Variants in RPUSD1 observed in about 807,000 individuals in gnomAD.
RPUSD1 encodes the protein pseudouridylate synthase RPUSD1.
Under a neutral mutation model 22.4 loss-of-function variants are expected in RPUSD1, and 28 were observed. That is an observed-to-expected ratio of 1.25 (90% CI 0.93 to 1.72). The LOEUF is 1.72. Ranked by LOEUF, RPUSD1 falls within the 40% of genes most tolerant of loss-of-function variation. The pLI is 0.00. For synonymous variants in RPUSD1, 298 were observed against 201.0 expected, an observed-to-expected ratio of 1.48 and a Z score of -4.08; for missense variants, 596 against 442.2, an observed-to-expected ratio of 1.35 and a Z score of -3.12.
Position 785,818 on chromosome 16 carries a change from G to T in RPUSD1, c.*132C>A. 2 of 822,414 alleles carry T rather than the reference G, an allele frequency of 2.4e-6. No homozygotes were observed. Among genetic ancestry groups the T allele is most frequent in the Non-Finnish European group, 3.4e-6 (2 of 590,730 alleles). The allele number at this position is 822,414 out of a possible 1,614,324, so 50.9% of individuals were successfully genotyped here. A position where few individuals can be genotyped will look rare whatever the true frequency, so the allele number is the denominator to read the frequency against. ...ACCTCAGCCCTTCCTCGCAGGCCTG[G>T]CCGGGGCAACCCAGTGGGCCTGATG... On this transcript the variant is annotated 3_prime_UTR_variant, in exon 6 of 6. Transcript: ENST00000007264.
At chr16:786,801 C>T (rs754590563) in intron 5 of RPUSD1, 26 bp downstream of exon 5, 15 of 1,590,662 alleles carry the variant, frequency 9.4e-6, no homozygotes, top group African/African-American at 2.7e-5. Context: ...CTGTCACCAC[C>T]AGGACACCGC....
chr16:787,581 C>T lies in RPUSD1; in HGVS notation c.157G>A (p.Asp53Asn), dbSNP rs766933543. The T allele has an allele frequency of 1.9e-6, 3 of 1,610,940 alleles. No individual in the cohort carries two copies. The highest frequency in any genetic ancestry group is 1.7e-5 in the Admixed American group (1 of 59,980). Residue 53 changes from aspartate (D) to asparagine (N), a missense_variant, in exon 2 of 6, where the codon GAC (aspartate) becomes AAC (asparagine). Transcript: ENST00000007264. ...QLRYRFPELA[D>N]PDTCYGFRFC... Reference sequence around the variant, plus strand: ...CTGAACCCGTAGCAGGTGTCAGGGTCGGCCAGCTCGGGAAAGCGGTACCGC... The same window carrying T: ...CTGAACCCGTAGCAGGTGTCAGGGTTGGCCAGCTCGGGAAAGCGGTACCGC...
chr16:785,792 C>G lies in RPUSD1; in HGVS notation c.*158G>C. The stretch of plus-strand genomic sequence containing the variant: ...GCTGCCTGGCGCCCCCTGCCGGCCC[C>G]ACCTCAGCCCTTCCTCGCAGGCCTG... On this transcript the variant is annotated 3_prime_UTR_variant, in exon 6 of 6. Transcript: ENST00000007264. 1 of 586,470 alleles carries G rather than the reference C, an allele frequency of 1.7e-6. No individual in the cohort carries two copies. Among genetic ancestry groups the G allele is most frequent in the Non-Finnish European group, 2.6e-6 (1 of 386,876 alleles). 36.3% of individuals were successfully genotyped at this position (586,470 alleles called of 1,614,324 possible).
intron 3 of RPUSD1, 43 bp from the exon 4 acceptor site, chr16:787,222 A>G (rs1672651489): frequency 6.4e-7 from 1 of 1,562,254 alleles, no homozygotes. Flanking sequence ...GGGGCAGCCC[A>G]GTGCTGCCGG....
At chr16:787,249 C>T in intron 3 of RPUSD1, 70 bp from the exon 4 acceptor site, 2 of 1,552,240 alleles carry the variant, frequency 1.3e-6, no homozygotes, top group East Asian at 2.4e-5. Flanking sequence ...CACCTAACAC[C>T]AAGCAACCAC....
intron 1 of RPUSD1, 129 bp from the exon 2 acceptor site, chr16:787,873 T>A (rs975328428): frequency 3.6e-6 from 3 of 839,988 alleles, no homozygotes; most frequent in African/African-American, 3.4e-5. Context: ...GCAGCCCTAC[T>A]GTGCACCTGC....
At position 786,167 on chromosome 16, in the gene RPUSD1, T is replaced by TCCCC; in HGVS notation, c.721_722insGGGG (p.His241ArgfsTer22). 1 of 1,611,974 alleles carries TCCCC rather than the reference T, an allele frequency of 6.2e-7. No individual in the cohort carries two copies. Among genetic ancestry groups the TCCCC allele is most frequent in the Non-Finnish European group, 8.5e-7 (1 of 1,179,618 alleles). On this transcript the variant is annotated frameshift_variant, in exon 6 of 6. Coordinates refer to ENST00000007264, the MANE Select transcript of RPUSD1 (RefSeq NM_058192.3). LOFTEE classifies it low-confidence loss of function (END_TRUNC). ...CTGGTCCAGCGACTGCAGCAGTGTG[T>TCCCC]GGGGGCTCCAGCAGGCATCCAGGGA...
At chr16:787,259 C>T (rs550101431) in intron 3 of RPUSD1, 80 bp from the exon 4 acceptor site, 11 of 1,548,560 alleles carry the variant, frequency 7.1e-6, no homozygotes, top group South Asian at 4.7e-5. Context: ...CAAGCAACCA[C>T]GTAGAGCGTG....
rs757010559 is a variant in RPUSD1 at position 786,256 on chromosome 16, G to A, written c.633C>T (p.Phe211=). ...DRPFRMMLHA[F]YLRIPTDTEC... ...CGGTGTCCGTGGGGATGCGCAGGTA[G>A]AAAGCGTGCAGCATCATTCTGAACG... is the stretch of plus-strand genomic sequence containing the variant. Residue 211 remains phenylalanine (F), a synonymous_variant, in exon 6 of 6, where the codon TTC becomes TTT. Transcript: ENST00000007264. 2 of 1,612,782 alleles carry A rather than the reference G, an allele frequency of 1.2e-6. No individual in the cohort carries two copies. The highest frequency in any genetic ancestry group is 2.2e-5 in the East Asian group (1 of 44,884).
In RPUSD1 at chr16:785,720, C is replaced by T. The variant is rs1227186055; in HGVS notation, c.*230G>A. 2.4e-6 allele frequency: 1 copy of T among 410,212 alleles called. No individual in the cohort carries two copies. Among genetic ancestry groups the T allele is most frequent in the Non-Finnish European group, 4.3e-6 (1 of 234,764 alleles). 25.4% of individuals were successfully genotyped at this position (410,212 alleles called of 1,614,324 possible). A position where few individuals can be genotyped will look rare whatever the true frequency, so the allele number is the denominator to read the frequency against. On this transcript the variant is annotated 3_prime_UTR_variant, in exon 6 of 6. Coordinates refer to ENST00000007264, the MANE Select transcript of RPUSD1 (RefSeq NM_058192.3). ...ATGTGGGCAGGAAGGCCCTCGGGATCCCGCATCAGTCCCACGGCCGCGGTG... is the reference window on the plus strand; with the variant it reads ...ATGTGGGCAGGAAGGCCCTCGGGATTCCGCATCAGTCCCACGGCCGCGGTG...
At position 785,976 on chromosome 16, in the gene RPUSD1, C is replaced by A; in HGVS notation, c.913G>T (p.Glu305Ter). The change falls in exon 6 of 6, where the codon GAG becomes TAG. Residue 305 changes from glutamate (E) to a stop codon, truncating the protein, a stop_gained. Coordinates refer to ENST00000007264, the MANE Select transcript of RPUSD1 (RefSeq NM_058192.3). LOFTEE classifies it high-confidence loss of function. ...CAGCTGTCCGGTTCCAGCGTCCACT[C>A]CGACAGCCACTGCAGGCAGGGGCCC... ...QRGPCLQWLSEWTLEPDS is the reference protein window; with the variant it reads ...QRGPCLQWLS 1 of 1,446,580 alleles carries A rather than the reference C, an allele frequency of 6.9e-7. No individual in the cohort carries two copies. Among genetic ancestry groups the A allele is most frequent in the Non-Finnish European group, 9.1e-7 (1 of 1,103,444 alleles). The allele number at this position is 1,446,580 out of a possible 1,614,324, so 89.6% of individuals were successfully genotyped here.
chr16:786,359 C>A lies in RPUSD1; in HGVS notation c.530G>T (p.Arg177Leu). 6.2e-7 allele frequency: 1 copy of A among 1,609,290 alleles called. No individual in the cohort carries two copies. The highest frequency in any genetic ancestry group is 8.5e-7 in the Non-Finnish European group (1 of 1,177,748). Reference sequence around the variant, plus strand: ...GTGGCCCAGGGCACTGCAGTGCACGCGCAGCTGGTGTGTCCGGCCTGCGGG... The same window carrying A: ...GTGGCCCAGGGCACTGCAGTGCACGAGCAGCTGGTGTGTCCGGCCTGCGGG... ...KPLTGRTHQL[R>L]VHCSALGHPV... The change falls in exon 6 of 6, where the codon CGC becomes CTC. Residue 177 changes from arginine (R) to leucine (L), a missense_variant. Physicochemically the swap from Arg to Leu is moderately radical, Grantham distance 102. Coordinates refer to ENST00000007264, the MANE Select transcript of RPUSD1 (RefSeq NM_058192.3).
At chr16:787,303 G>A (rs369667112) in intron 3 of RPUSD1, 51 bp downstream of exon 3, 1 of 1,552,768 alleles carries the variant, frequency 6.4e-7, no homozygotes, top group Non-Finnish European at 8.7e-7. Flanking sequence ...GCCCAAGTGG[G>A]GTGGGAATCC....
rs1018497706 is a variant in RPUSD1 at position 788,264 on chromosome 16, G to A, written c.-16C>T. 2.7e-6 allele frequency: 1 copy of A among 368,148 alleles called. No individual in the cohort carries two copies. The highest frequency in any genetic ancestry group is 1.9e-5 in the South Asian group (1 of 52,378). The allele number at this position is 368,148 out of a possible 1,614,324, so 22.8% of individuals were successfully genotyped here. A position where few individuals can be genotyped will look rare whatever the true frequency, so the allele number is the denominator to read the frequency against. On this transcript the variant is annotated 5_prime_UTR_variant, in exon 1 of 6. Coordinates refer to ENST00000007264, the MANE Select transcript of RPUSD1 (RefSeq NM_058192.3). ...CCCACGCCAAGACCAACCTGCTGCCGGGCCGTGCAGTCCAGGCCCCCGATG... is the reference window on the plus strand; with the variant it reads ...CCCACGCCAAGACCAACCTGCTGCCAGGCCGTGCAGTCCAGGCCCCCGATG...
Position 787,423 on chromosome 16 carries a change from GT to G in RPUSD1, c.236del (p.Asn79ThrfsTer17), listed in dbSNP as rs1318507476. 1.3e-6 allele frequency: 2 copies of G among 1,584,446 alleles called. No homozygotes were observed. ...STSGALCVALNKAAAGSAYRC... is the reference protein window; with the variant it reads ...STSGALCVALXKAAAGSAYRC... Reference sequence around the variant, plus strand: ...TGTACGCGCTGCCGGCGGCTGCCTTGTTTAGGGCCACGCACAGCGCCCCGCT... The same window carrying G: ...TGTACGCGCTGCCGGCGGCTGCCTTGTTAGGGCCACGCACAGCGCCCCGCT... On this transcript the variant is annotated frameshift_variant, in exon 3 of 6. Coordinates refer to ENST00000007264, the MANE Select transcript of RPUSD1 (RefSeq NM_058192.3). LOFTEE classifies it high-confidence loss of function.
Position 786,314 on chromosome 16 carries a change from G to C in RPUSD1, c.575C>G (p.Thr192Ser). The C allele has an allele frequency of 6.2e-7, 1 of 1,612,672 alleles. No homozygotes were observed. Among genetic ancestry groups the C allele is most frequent in the South Asian group, 1.1e-5 (1 of 91,082 alleles). ...CTCCCGGCCCGAGACTTCTCCGTAGGTCAGGTCGCCCACCACGGGGTGGCC... is the reference window on the plus strand; with the variant it reads ...CTCCCGGCCCGAGACTTCTCCGTAGCTCAGGTCGCCCACCACGGGGTGGCC... ...ALGHPVVGDL[T>S]YGEVSGREDR... The change falls in exon 6 of 6, where the codon ACC becomes AGC. Residue 192 changes from threonine (T) to serine (S), a missense_variant. Physicochemically the swap from Thr to Ser is moderately conservative, Grantham distance 58. Transcript: ENST00000007264.
intron 5 of RPUSD1, 34 bp downstream of exon 5, chr16:786,793 G>T: frequency 6.4e-7 from 1 of 1,563,210 alleles, no homozygotes; most frequent in Non-Finnish European, 8.8e-7. Context: ...TTTCCCTTCT[G>T]TCACCACCAG....
chr16:788,179 C>T, intron 1 of RPUSD1, 77 bp downstream of exon 1: 1 of 419,424 alleles, frequency 2.4e-6, no homozygotes, highest in South Asian at 1.7e-5. Flanking sequence ...CGCAGACCCG[C>T]GCCCCGCACA....
Position 788,280 on chromosome 16 carries a change from GC to G in RPUSD1, c.-33del, listed in dbSNP as rs974139907. On this transcript the variant is annotated 5_prime_UTR_variant, in exon 1 of 6. Transcript: ENST00000007264. The stretch of plus-strand genomic sequence containing the variant: ...CCTGCTGCCGGGCCGTGCAGTCCAG[GC>G]CCCCGATGCCGTGCCCGGCGCCGGC... The G allele has an allele frequency of 7.8e-6, 2 of 256,138 alleles. No individual in the cohort carries two copies. The highest frequency in any genetic ancestry group is 1.5e-5 in the Non-Finnish European group (2 of 131,240). 15.9% of individuals were successfully genotyped at this position (256,138 alleles called of 1,614,324 possible).
Sources: allele counts gnomAD v4.1 joint callset, GRCh38; gene constraint gnomAD v4.1.1; transcripts MANE v1.5; gene names NCBI Gene and HGNC (gene_info 2026-07-23, HGNC 2026-07-21).